Variants in MALRD1 observed in about 807,000 individuals in gnomAD.
MALRD1 encodes the protein MAM and LDL receptor class A domain containing 1.
MALRD1 carries 247 observed loss-of-function variants against 242.1 expected under a neutral mutation model. The observed-to-expected ratio is 1.02, with a 90% confidence interval of 0.92 to 1.13. The LOEUF is 1.13. Among genes scored for constraint, MALRD1 ranks in the 50% most tolerant of loss-of-function variants. The pLI, the probability that MALRD1 is intolerant of heterozygous loss-of-function variation, is 0.00. For missense variants in MALRD1, 2,989 were observed against 2,533.1 expected, an observed-to-expected ratio of 1.18 and a Z score of -3.86; for synonymous variants, 995 against 866.6, an observed-to-expected ratio of 1.15 and a Z score of -2.60.
At chr10:19,151,123 A>G (rs188549003) in intron 11 of MALRD1, among the ~76,000 whole-genome samples, 367 of 152,262 alleles carry the variant, frequency 2.4e-3, no homozygotes, top group African/African-American at 8.1e-3. Context: ...AAAATTTCCA[A>G]TTAATGGGTG....
At chr10:19,087,452 A>T (rs566929314) in intron 2 of MALRD1, among the ~76,000 whole-genome samples, 2 of 152,188 alleles carry the variant, frequency 1.3e-5, no homozygotes, top group African/African-American at 4.8e-5. Context: ...TAAACAAAAA[A>T]AATTATTAAT....
rs188911971 is a variant in MALRD1, at chr10:19,423,095, G to T, written c.4846-27212G>T. Among the ~76,000 whole-genome samples the T allele has an allele frequency of 2.4e-3, 360 of 152,270 alleles. 1 individual carries two copies. The highest frequency in any genetic ancestry group is 3.9e-3 in the Admixed American group (60 of 15,280). On this transcript the variant is annotated intron_variant, in intron 28 of 39. Transcript: ENST00000454679. ...GAAAGTCTGATATTAACCAAAAAAT[G>T]TGCTAATTCCAATTTAGCAAGTTTT...
chr10:19,462,334 C>G (rs1166729557), intron 29 of MALRD1, among the ~76,000 whole-genome samples: 2 of 152,202 alleles, frequency 1.3e-5, no homozygotes, highest in Admixed American at 1.3e-4. Flanking sequence ...GAAGAGCCAC[C>G]ATGCCCCCGA....
intron 13 of MALRD1, among the ~76,000 whole-genome samples, chr10:19,172,792 A>G (rs1156745369): frequency 6.6e-6 from 1 of 151,976 alleles, no homozygotes; most frequent in East Asian, 1.9e-4. Context: ...ATGTATTATA[A>G]TCATGAATAT....
chr10:19,462,170 G>A (rs1437796567), intron 29 of MALRD1, among the ~76,000 whole-genome samples: 2 of 152,052 alleles, frequency 1.3e-5, no homozygotes, highest in African/African-American at 4.8e-5. Flanking sequence ...ATGCTTCCTA[G>A]CAATAGTAAA....
At chr10:19,306,154 A>G (rs1277661793) in intron 21 of MALRD1, among the ~76,000 whole-genome samples, 1 of 127,714 alleles carries the variant, frequency 7.8e-6, no homozygotes, top group Non-Finnish European at 1.6e-5. Flanking sequence ...TATACTATAT[A>G]TACACACATA....
intron 2 of MALRD1, among the ~76,000 whole-genome samples, chr10:19,071,867 A>T (rs973660564): frequency 6.6e-6 from 1 of 152,110 alleles, no homozygotes; most frequent in Non-Finnish European, 1.5e-5. Context: ...AATCAGTGAA[A>T]ATTTAATGTC....
At chr10:19,267,236 T>C (rs1840009351) in intron 19 of MALRD1, among the ~76,000 whole-genome samples, 1 of 152,130 alleles carries the variant, frequency 6.6e-6, no homozygotes, top group Non-Finnish European at 1.5e-5. Flanking sequence ...TTATTAGTTA[T>C]TACAATTTAA....
At chr10:19,056,132 C>T (rs1212724252) in intron 1 of MALRD1, among the ~76,000 whole-genome samples, 1 of 152,066 alleles carries the variant, frequency 6.6e-6, no homozygotes, top group Non-Finnish European at 1.5e-5. Context: ...AGTGTAATGC[C>T]TCCAGCTTTG....
chr10:19,678,196 TTC>T (rs1477018169), intron 36 of MALRD1, among the ~76,000 whole-genome samples: 2 of 152,308 alleles, frequency 1.3e-5, no homozygotes, highest in Admixed American at 6.5e-5. Context: ...TTTTTTCTAA[TTC>T]TGTGAAGAAT....
intron 21 of MALRD1, among the ~76,000 whole-genome samples, chr10:19,314,177 G>T (rs896294306): frequency 6.6e-6 from 1 of 151,410 alleles, no homozygotes; most frequent in Admixed American, 6.6e-5. Flanking sequence ...TGTGTGCATT[G>T]GTATGTATAA....
At chr10:19,534,140 G>T (rs933846880) in intron 32 of MALRD1, among the ~76,000 whole-genome samples, 1 of 152,146 alleles carries the variant, frequency 6.6e-6, no homozygotes, top group African/African-American at 2.4e-5. Flanking sequence ...TTCTGCACCA[G>T]TAGAATTCTC....
rs1254935156 is a variant in MALRD1, at chr10:19,347,879, G to A, written c.4010G>A (p.Gly1337Asp). Reference sequence around the variant, plus strand: ...AAAGCTAGCAGCATCCCTGCAGCAGGCACAGAGCCAGCAGCAGATCACACT... The same window carrying A: ...AAAGCTAGCAGCATCCCTGCAGCAGACACAGAGCCAGCAGCAGATCACACT... ...NLKASSIPAA[G>D]TEPAADHTLG... is the part of the protein sequence containing the mutation. The change falls in exon 25 of 40, where the codon GGC becomes GAC. Residue 1337 changes from glycine (G) to aspartate (D), a missense_variant. Gly to Asp is a moderately conservative substitution (Grantham distance 94). Transcript: ENST00000454679. 1 of 1,550,240 alleles carries A rather than the reference G, an allele frequency of 6.5e-7. No homozygotes were observed. Among genetic ancestry groups the A allele is most frequent in the African/African-American group, 1.4e-5 (1 of 73,008 alleles).
At chr10:19,237,198 T>C (rs984746370) in intron 18 of MALRD1, among the ~76,000 whole-genome samples, 6 of 151,866 alleles carry the variant, frequency 4.0e-5, no homozygotes, top group Non-Finnish European at 8.8e-5. Flanking sequence ...CTTTTAACTA[T>C]AGTCACCCTG....
chr10:19,328,813 T>C (rs1330920842), intron 23 of MALRD1, among the ~76,000 whole-genome samples: 1 of 152,114 alleles, frequency 6.6e-6, no homozygotes, highest in Admixed American at 6.6e-5. Flanking sequence ...TGAATATCAG[T>C]TTCATAGCCT....
At chr10:19,163,715 T>C (rs79448749) in intron 12 of MALRD1, among the ~76,000 whole-genome samples, 3,751 of 152,290 alleles carry the variant, frequency 0.025, 138 homozygotes, top group East Asian at 0.18. Flanking sequence ...TAACTTTTGT[T>C]CAGTGATTTC....
At chr10:19,691,711 C>G (rs939215180) in intron 36 of MALRD1, among the ~76,000 whole-genome samples, 10 of 152,014 alleles carry the variant, frequency 6.6e-5, no homozygotes, top group African/African-American at 2.4e-4. Context: ...CATGTACATC[C>G]CTAAATAAAA....
At chr10:19,202,674 T>A (rs759477417) in intron 14 of MALRD1, among the ~76,000 whole-genome samples, 20 of 152,210 alleles carry the variant, frequency 1.3e-4, no homozygotes, top group Non-Finnish European at 2.5e-4. Context: ...AAATAGCCAA[T>A]GGCTAAGAAT....
intron 36 of MALRD1, among the ~76,000 whole-genome samples, chr10:19,658,475 A>C (rs1049355082): frequency 1.3e-5 from 2 of 152,106 alleles, no homozygotes; most frequent in South Asian, 4.1e-4. Flanking sequence ...CTGGTAGTCT[A>C]GTGGTTAGGA....
Sources: gnomAD v4.1 joint callset for allele counts (sites outside exome capture counted in the v4.1 genomes callset) on GRCh38, gnomAD v4.1.1 for gene constraint, MANE v1.5 for transcripts, NCBI Gene and HGNC (gene_info 2026-07-23, HGNC 2026-07-21) for gene names.